The following SYTL5 variants were observed in gnomAD, a reference collection of about 807,000 sequenced individuals.
SYTL5 encodes the protein synaptotagmin like 5.
Under a neutral mutation model 55.9 loss-of-function variants are expected in SYTL5, and 34 were observed. The ratio of observed to expected loss-of-function variants is 0.61; its 90% CI spans 0.46 to 0.81. The LOEUF (loss-of-function observed/expected upper bound fraction) is 0.81, where lower values mean the gene tolerates loss of function less well. Among genes scored for constraint, SYTL5 ranks in the 30% least tolerant of loss-of-function variants. The pLI, the probability that SYTL5 is intolerant of heterozygous loss-of-function variation, is 0.00. For synonymous variants in SYTL5, 221 were observed against 188.7 expected, an observed-to-expected ratio of 1.17 and a Z score of -1.40; for missense variants, 637 against 546.7, an observed-to-expected ratio of 1.17 and a Z score of -1.65.
At chrX:37,902,104 A>G in the SYTL5 span, among the ~76,000 whole-genome samples, 2 of 112,066 alleles carry the variant, frequency 1.8e-5, no homozygotes, top group African/African-American at 6.5e-5. Context: ...AAATCCCTCA[A>G]TTTGGCTGCT....
chrX:37,927,730 T>C, the SYTL5 span, among the ~76,000 whole-genome samples: 19 of 110,915 alleles, frequency 1.7e-4, no homozygotes, highest in African/African-American at 5.9e-4. Flanking sequence ...GAGCCAAGAT[T>C]GTACCATTGC....
chrX:38,124,916 A>G (rs1342682076), intron 15 of SYTL5, among the ~76,000 whole-genome samples: 1 of 111,987 alleles, frequency 8.9e-6, no homozygotes. Flanking sequence ...TTCCTTAATT[A>G]GAGGAATTTA....
At chrX:37,955,647 T>C in the SYTL5 span, among the ~76,000 whole-genome samples, 1 of 112,125 alleles carries the variant, frequency 8.9e-6, no homozygotes, top group Non-Finnish European at 1.9e-5. Context: ...AGCAATACAC[T>C]GGCCGGGAAA....
At chrX:37,964,920 G>A in the SYTL5 span, among the ~76,000 whole-genome samples, 6 of 110,312 alleles carry the variant, frequency 5.4e-5, no homozygotes, top group African/African-American at 2.0e-4. Flanking sequence ...TTTGTGGCAG[G>A]GGTTGTCATG....
intron 2 of SYTL5, among the ~76,000 whole-genome samples, chrX:38,051,231 A>G (rs6520980): frequency 0.097 from 10,865 of 111,605 alleles, 1,099 homozygotes; most frequent in African/African-American, 0.3. Context: ...GATTAGGCAG[A>G]TCTTTACAGG....
chrX:38,073,719 G>A, intron 5 of SYTL5, 21 bp downstream of exon 5: 5 of 1,075,968 alleles, frequency 4.6e-6, no homozygotes, highest in Non-Finnish European at 6.3e-6. Context: ...GTCTTTCTGA[G>A]GGAATTTTTG....
chrX:38,072,685 G>A (rs1936298311), intron 4 of SYTL5, among the ~76,000 whole-genome samples: 2 of 111,855 alleles, frequency 1.8e-5, no homozygotes, highest in African/African-American at 6.5e-5. Context: ...GTGAGTCAAT[G>A]GCATTTGGTG....
chrX:37,946,838 T>C, the SYTL5 span: 3 of 113,799 alleles, frequency 2.6e-5, no homozygotes, highest in African/African-American at 9.7e-5. Context: ...TAGCTAACAT[T>C]GCTTCTGGGG....
intron 8 of SYTL5, among the ~76,000 whole-genome samples, chrX:38,095,324 T>C (rs1936903310): frequency 8.9e-6 from 1 of 112,328 alleles, no homozygotes; most frequent in African/African-American, 3.2e-5. Flanking sequence ...CTCCTGTTAA[T>C]TGAGTACGTA....
chrX:38,124,166 TG>T (rs751301343), intron 15 of SYTL5, among the ~76,000 whole-genome samples: 10 of 111,526 alleles, frequency 9.0e-5, no homozygotes, highest in Non-Finnish European at 1.9e-4. Flanking sequence ...ACTTTCCAGA[TG>T]TAAGAAGTAG....
chrX:38,021,265 C>A (rs1245478602), intron 1 of SYTL5, among the ~76,000 whole-genome samples: 2 of 111,973 alleles, frequency 1.8e-5, no homozygotes, highest in African/African-American at 6.5e-5. Flanking sequence ...GGGATGTATA[C>A]AAGTATTGCA....
chrX:37,890,927 T>C, the SYTL5 span, among the ~76,000 whole-genome samples: 1 of 111,795 alleles, frequency 8.9e-6, no homozygotes, highest in East Asian at 2.8e-4. Context: ...ATCCCAGTAC[T>C]TTGGGAGGCC....
In SYTL5 at chrX:38,123,368, A is replaced by T. The variant is rs186270802; in HGVS notation, c.1841+1153A>T. On this transcript the variant is annotated intron_variant, in intron 15 of 16. Transcript: ENST00000297875. The stretch of plus-strand genomic sequence containing the variant: ...GGTCTTGAACTCCTGACCTCAAGTG[A>T]TCTGCCTGCCTCGGCCTCCCAAAGT... Among the ~76,000 whole-genome samples, 117 of 111,468 alleles carry T rather than the reference A, an allele frequency of 1.0e-3. 1 individual carries two copies. The highest frequency in any genetic ancestry group is 3.7e-3 in the African/African-American group (115 of 30,676).
the SYTL5 span, among the ~76,000 whole-genome samples, chrX:37,993,737 G>A: frequency 8.9e-6 from 1 of 112,538 alleles, no homozygotes; most frequent in Admixed American, 9.3e-5. Context: ...ATGTAAATTA[G>A]CTCACAGACA....
chrX:38,115,904 T>A (rs1254747802), intron 13 of SYTL5, among the ~76,000 whole-genome samples: 1 of 112,485 alleles, frequency 8.9e-6, no homozygotes, highest in African/African-American at 3.2e-5. Context: ...CTCTTCACTC[T>A]GTCGATTGTT....
the SYTL5 span, among the ~76,000 whole-genome samples, chrX:37,909,833 C>T: frequency 1.2e-4 from 13 of 110,227 alleles, no homozygotes; most frequent in African/African-American, 4.0e-4. Context: ...TGCCACCACA[C>T]GCGGCTGATT....
chrX:38,080,212 G>A (rs1312992361), intron 6 of SYTL5, among the ~76,000 whole-genome samples: 1 of 111,259 alleles, frequency 9.0e-6, no homozygotes, highest in Non-Finnish European at 1.9e-5. Flanking sequence ...ATCTGAGGGA[G>A]ATGCCAACAA....
chrX:38,122,387 G>A (rs1028193258), intron 15 of SYTL5, among the ~76,000 whole-genome samples, 172 bp downstream of exon 15: 19 of 111,837 alleles, frequency 1.7e-4, no homozygotes, highest in Non-Finnish European at 9.4e-5. Flanking sequence ...AGTGTTGAGG[G>A]AACTGCTGAT....
chrX:37,956,241 A>G, the SYTL5 span, among the ~76,000 whole-genome samples: 1 of 111,997 alleles, frequency 8.9e-6, no homozygotes, highest in Middle Eastern at 4.6e-3. Flanking sequence ...ATCTGTACTT[A>G]AATCAAGTCA....
Sources: allele counts gnomAD v4.1 joint callset (sites outside exome capture counted in the v4.1 genomes callset), GRCh38; gene constraint gnomAD v4.1.1; transcripts MANE v1.5; gene names NCBI Gene and HGNC (gene_info 2026-07-23, HGNC 2026-07-21).